The following ARHGAP44 variants were observed in gnomAD, a reference collection of about 807,000 sequenced individuals.
ARHGAP44 encodes the protein rho GTPase-activating protein 44.
ARHGAP44 carries 43 observed loss-of-function variants against 106.8 expected under a neutral mutation model. The ratio of observed to expected loss-of-function variants is 0.40; its 90% CI spans 0.32 to 0.52. The LOEUF (loss-of-function observed/expected upper bound fraction) is 0.52. Ranked by LOEUF, ARHGAP44 falls within the 20% of genes least tolerant of loss-of-function variation. The pLI is 0.48. For synonymous variants in ARHGAP44, 439 were observed against 410.3 expected, an observed-to-expected ratio of 1.07 and a Z score of -0.85; for missense variants, 866 against 1,050.5, an observed-to-expected ratio of 0.82 and a Z score of 2.43.
intron 16 of ARHGAP44, among the ~76,000 whole-genome samples, chr17:12,972,534 G>T (rs1434119610): frequency 6.6e-6 from 1 of 151,916 alleles, no homozygotes; most frequent in Non-Finnish European, 1.5e-5. Context: ...TGTAATCCCA[G>T]CTACTCGGGA....
chr17:12,938,110 T>C (rs2038601910), intron 7 of ARHGAP44, among the ~76,000 whole-genome samples: 1 of 152,104 alleles, frequency 6.6e-6, no homozygotes, highest in Non-Finnish European at 1.5e-5. Flanking sequence ...CATAAAATCA[T>C]GAGCTATTCT....
In ARHGAP44 at chr17:12,852,548, G is replaced by GTTTTT. The variant is rs111855586; in HGVS notation, c.54-42383_54-42379dup. 3.2e-3 allele frequency among the ~76,000 whole-genome samples: 441 copies of GTTTTT among 139,106 alleles called. 9 individuals are homozygous for GTTTTT. In the South Asian group the frequency reaches 0.039, roughly 12 times the overall value. The allele number at this position is 139,106 out of a possible 152,430, so 91.3% of individuals were successfully genotyped here. On this transcript the variant is annotated intron_variant, in intron 1 of 20. Transcript: ENST00000379672. ...CTATTCTCTTTGGTTTGTTTGCTGT[G>GTTTTT]TTTTTTTTTTTTTGATGGCATCTTG...
At chr17:12,809,200 C>G (rs1351826043) in intron 1 of ARHGAP44, among the ~76,000 whole-genome samples, 19 of 152,324 alleles carry the variant, frequency 1.2e-4, no homozygotes, top group African/African-American at 3.8e-4. Flanking sequence ...TTTCCCACAT[C>G]TTTCTGTCCT....
At chr17:12,919,200 T>C (rs776613279) in intron 5 of ARHGAP44, among the ~76,000 whole-genome samples, 19 of 152,166 alleles carry the variant, frequency 1.2e-4, no homozygotes, top group Non-Finnish European at 8.8e-5. Context: ...TTAGCCTGAG[T>C]GTAGTAATGA....
chr17:12,937,163 A>G (rs769274471), intron 7 of ARHGAP44, among the ~76,000 whole-genome samples: 1 of 152,160 alleles, frequency 6.6e-6, no homozygotes, highest in African/African-American at 2.4e-5. Flanking sequence ...CAGAATTGCT[A>G]GAGGGGGTTG....
intron 19 of ARHGAP44, among the ~76,000 whole-genome samples, chr17:12,983,820 C>A (rs79435816): frequency 4.8e-5 from 7 of 146,886 alleles, no homozygotes; most frequent in Admixed American, 2.0e-4. Context: ...GAAAAAAAAA[C>A]AACAAAAAAA....
At chr17:12,897,672 A>ATG (rs1457576309) in intron 3 of ARHGAP44, among the ~76,000 whole-genome samples, 1 of 140,672 alleles carries the variant, frequency 7.1e-6, no homozygotes, top group Non-Finnish European at 1.5e-5. Flanking sequence ...ACGGTTCCGG[A>ATG]TGGGGGTGCT....
chr17:12,794,693 C>G (rs2033867801), intron 1 of ARHGAP44, among the ~76,000 whole-genome samples: 1 of 152,080 alleles, frequency 6.6e-6, no homozygotes, highest in East Asian at 1.9e-4. Context: ...TTTTCTATTC[C>G]TTGACTGCTT....
intron 10 of ARHGAP44, among the ~76,000 whole-genome samples, chr17:12,945,776 A>T (rs933515021): frequency 6.6e-6 from 1 of 152,184 alleles, no homozygotes; most frequent in Non-Finnish European, 1.5e-5. Context: ...TTGTTATCAA[A>T]TTTTTTAGCT....
rs1598173210 is a variant in ARHGAP44 at position 12,989,101 on chromosome 17, C to CGAAAAAAAAAAAAAAAA, written c.2318-931_2318-930insGAAAAAAAAAAAAAAAA. On this transcript the variant is annotated intron_variant, in intron 20 of 20. Transcript: ENST00000379672. ...GACAAGAGCGAAACTCCACCCCCCC[C>CGAAAAAAAAAAAAAAAA]AAAAAAAAAAAAAAAAAAAAAAAAC... Among the ~76,000 whole-genome samples, 38 of 45,158 alleles carry CGAAAAAAAAAAAAAAAA rather than the reference C, an allele frequency of 8.4e-4. 8 individuals carry two copies. The highest frequency in any genetic ancestry group is 1.4e-3 in the African/African-American group (17 of 11,746). The allele number at this position is 45,158 out of a possible 152,430, so 29.6% of individuals were successfully genotyped here.
Position 12,979,809 on chromosome 17 carries a change from G to T in ARHGAP44, c.1764-249G>T, listed in dbSNP as rs548605573. On this transcript the variant is annotated intron_variant, in intron 18 of 20. Transcript: ENST00000379672. ...CTTGAAGAGAGGAGGGCAGAGGCATGAAAAGGGCATTGGCAGTGAGTGCCA... is the reference window on the plus strand; with the variant it reads ...CTTGAAGAGAGGAGGGCAGAGGCATTAAAAGGGCATTGGCAGTGAGTGCCA... Among the ~76,000 whole-genome samples the T allele has an allele frequency of 2.0e-5, 3 of 152,330 alleles. No homozygotes were observed. In the East Asian group the frequency reaches 5.8e-4, roughly 29 times the overall value.
chr17:12,952,471 A>C, intron 12 of ARHGAP44, 30 bp from the exon 13 acceptor site: 1 of 1,514,626 alleles, frequency 6.6e-7, no homozygotes, highest in Non-Finnish European at 9.0e-7. Context: ...ATTCGTGCTC[A>C]ACCAATGACC....
intron 1 of ARHGAP44, among the ~76,000 whole-genome samples, chr17:12,865,580 G>A (rs980863875): frequency 2.6e-5 from 4 of 152,102 alleles, no homozygotes; most frequent in South Asian, 4.1e-4. Flanking sequence ...ACGAGGTCAG[G>A]AGATCCAGAC....
chr17:12,844,973 CCG>C (rs1173558741), intron 1 of ARHGAP44, among the ~76,000 whole-genome samples: 1 of 152,108 alleles, frequency 6.6e-6, no homozygotes, highest in African/African-American at 2.4e-5. Context: ...GCCACATTTG[CCG>C]AGAGTTAGGC....
intron 16 of ARHGAP44, among the ~76,000 whole-genome samples, chr17:12,971,651 C>T (rs2039529933): frequency 6.6e-6 from 1 of 152,102 alleles, no homozygotes; most frequent in African/African-American, 2.4e-5. Context: ...TTCAAGTGGC[C>T]TCCAAAAGCA....
At chr17:12,962,312 A>G (rs562520596) in intron 16 of ARHGAP44, among the ~76,000 whole-genome samples, 242 of 152,252 alleles carry the variant, frequency 1.6e-3, no homozygotes, top group Non-Finnish European at 2.8e-3. Context: ...GAAATGATGC[A>G]GGAAGCTGGG....
chr17:12,985,077 A>G, intron 20 of ARHGAP44, 169 bp downstream of exon 20: 1 of 817,016 alleles, frequency 1.2e-6, no homozygotes, highest in South Asian at 2.0e-5. Context: ...CACCAATGGA[A>G]AGCAACCCTG....
At chr17:12,950,657 C>T (rs1467251445) in intron 12 of ARHGAP44, among the ~76,000 whole-genome samples, 1 of 152,040 alleles carries the variant, frequency 6.6e-6, no homozygotes, top group African/African-American at 2.4e-5. Flanking sequence ...CCCCACACAA[C>T]AGCAGGGTGG....
chr17:12,919,255 A>G (rs2150954297), intron 5 of ARHGAP44, among the ~76,000 whole-genome samples: 1 of 152,334 alleles, frequency 6.6e-6, no homozygotes, highest in East Asian at 1.9e-4. Context: ...TACACCTGAA[A>G]TATATACAAT....
Sources: gnomAD v4.1 joint callset for allele counts (sites outside exome capture counted in the v4.1 genomes callset) on GRCh38, gnomAD v4.1.1 for gene constraint, MANE v1.5 for transcripts, NCBI Gene and HGNC (gene_info 2026-07-23, HGNC 2026-07-21) for gene names.